Variants in KMT2B observed in about 807,000 individuals in gnomAD.
KMT2B encodes histone-lysine N-methyltransferase 2B.
In KMT2B, 22 loss-of-function variants were observed where a neutral mutation model predicts 255.3. That is an observed-to-expected ratio of 0.09 (90% CI 0.06 to 0.12). The LOEUF is 0.12. Among genes scored for constraint, KMT2B ranks in the 10% least tolerant of loss-of-function variants. The probability of loss-of-function intolerance (pLI) is 1.00; values close to 1 mark genes in which losing one functional copy is unlikely to be tolerated. For synonymous variants in KMT2B, 1,730 were observed against 1,498.1 expected, an observed-to-expected ratio of 1.15 and a Z score of -3.57; for missense variants, 3,149 against 3,737.0, an observed-to-expected ratio of 0.84 and a Z score of 4.10.
At chr19:35,726,115 C>T (rs776126115) in intron 13 of KMT2B, 121 bp from the exon 14 acceptor site, 34 of 745,396 alleles carry the variant, frequency 4.6e-5, no homozygotes, top group Non-Finnish European at 7.3e-5. Context: ...CGTGTTTTCT[C>T]CTCTTACCTG....
chr19:35,726,812 C>T lies in KMT2B; in HGVS notation c.4004-344C>T, dbSNP rs549065241. On this transcript the variant is annotated intron_variant, in intron 14 of 36. Transcript: ENST00000420124. ...CAGCCTGGCCAACATGGTGAAACCC[C>T]ATCTGTACTACAAATACAAAAATTA... Among the ~76,000 whole-genome samples, 370 of 152,082 alleles carry T rather than the reference C, an allele frequency of 2.4e-3. 2 individuals are homozygous for T. The highest frequency in any genetic ancestry group is 4.0e-3 in the Non-Finnish European group (269 of 67,996).
At position 35,718,151 on chromosome 19, in the gene KMT2B, G is replaced by C. The variant is rs1400971328; in HGVS notation, c.133G>C (p.Val45Leu). Residue 45 changes from valine to leucine, a missense_variant, in exon 1 of 37, where the codon GTA (valine) becomes CTA (leucine). Val to Leu is a conservative substitution (Grantham distance 32). This residue lies in a region of KMT2B where 1,188 missense variants were observed against 1,106.4 expected (regional missense o/e 1.07). Coordinates refer to ENST00000420124, the MANE Select transcript of KMT2B (RefSeq NM_014727.3). The surrounding 1 kb of genome is among the most constrained non-coding windows in gnomAD (Gnocchi z 5.0). ...GGGCAACGGGGCCGAAAGAGTGCGGGTAGCTCTGCGGCGCGGCGGTGGCGC... is the reference window on the plus strand; with the variant it reads ...GGGCAACGGGGCCGAAAGAGTGCGGCTAGCTCTGCGGCGCGGCGGTGGCGC... ...GRGNGAERVRVALRRGGGATG... is the reference protein window; with the variant it reads ...GRGNGAERVRLALRRGGGATG... The C allele has an allele frequency of 1.9e-6, 2 of 1,059,454 alleles. No individual in the cohort carries two copies. The highest frequency in any genetic ancestry group is 2.3e-6 in the Non-Finnish European group (2 of 879,456). 65.6% of individuals were successfully genotyped at this position (1,059,454 alleles called of 1,614,324 possible). A position where few individuals can be genotyped will look rare whatever the true frequency, so the allele number is the denominator to read the frequency against.
chr19:35,724,897 G>C lies in KMT2B; in HGVS notation c.3430-92G>C. 3.4e-6 allele frequency: 4 copies of C among 1,162,420 alleles called. No homozygotes were observed. In the South Asian group the frequency reaches 5.1e-5, roughly 15 times the overall value. The allele number at this position is 1,162,420 out of a possible 1,614,324, so 72.0% of individuals were successfully genotyped here. A position where few individuals can be genotyped will look rare whatever the true frequency, so the allele number is the denominator to read the frequency against. On this transcript the variant is annotated intron_variant, in intron 9 of 36. Transcript: ENST00000420124. ...AGCAAAGGGGTCTGGATCAGGGTCT[G>C]GGTCCAGTAGGCTGGGGGAAAGGCG...
At chr19:35,728,946 G>C in intron 20 of KMT2B, 39 bp from the exon 21 acceptor site, 1 of 1,613,040 alleles carries the variant, frequency 6.2e-7, no homozygotes, top group Non-Finnish European at 8.5e-7. Context: ...CTGGCTCCGG[G>C]TCCTGATTCT....
chr19:35,727,063 A>T lies in KMT2B; in HGVS notation c.4004-93A>T. On this transcript the variant is annotated intron_variant, in intron 14 of 36. Coordinates refer to ENST00000420124, the MANE Select transcript of KMT2B (RefSeq NM_014727.3). The surrounding 1 kb of genome is among the most constrained non-coding windows in gnomAD (Gnocchi z 4.2). ...GGGGCCCAAAACAGGGGCATAGTGGAGGCAGCTAAGGTACTGCTAATCCTT... is the reference window on the plus strand; with the variant it reads ...GGGGCCCAAAACAGGGGCATAGTGGTGGCAGCTAAGGTACTGCTAATCCTT... The T allele has an allele frequency of 1.4e-6, 1 of 735,030 alleles. No individual in the cohort carries two copies. Among genetic ancestry groups the T allele is most frequent in the Non-Finnish European group, 2.2e-6 (1 of 446,976 alleles). The allele number at this position is 735,030 out of a possible 1,614,324, so 45.5% of individuals were successfully genotyped here.
chr19:35,733,766 C>T lies in KMT2B; in HGVS notation c.7053C>T (p.Pro2351=), dbSNP rs928715755. ...CCTGACAGGTCTCTTCTCGCAGGCC[C>T]CTCCAGGAACGGTCCCCTTTGCTGC... ...GEPAGEESPG[P]LQERSPLLPL... The change falls in exon 30 of 37, where the codon CCC becomes CCT. Residue 2351 remains proline (P), a synonymous_variant. Coordinates refer to ENST00000420124, the MANE Select transcript of KMT2B (RefSeq NM_014727.3). The surrounding 1 kb of genome is among the most constrained non-coding windows in gnomAD (Gnocchi z 4.3). The T allele has an allele frequency of 1.9e-6, 3 of 1,613,110 alleles. No homozygotes were observed. The highest frequency in any genetic ancestry group is 2.7e-5 in the African/African-American group (2 of 74,874).
At position 35,730,759 on chromosome 19, in the gene KMT2B, C is replaced by T. The variant is rs755887571; in HGVS notation, c.5329C>T (p.Arg1777Trp). 6.2e-7 allele frequency: 1 copy of T among 1,613,864 alleles called. No homozygotes were observed. Residue 1777 changes from arginine to tryptophan, a missense_variant, in exon 26 of 37, where the codon CGG (arginine) becomes TGG (tryptophan). By Grantham distance (101) the Arg-to-Trp change is moderately radical. Around this residue, in one of 18 missense-constraint regions of KMT2B, gnomAD observed 34 missense variants for 51.6 expected, o/e 0.66. Transcript: ENST00000420124. ...TVDARRRCWY[R>W]CRILEYRPWG... is the part of the protein sequence containing the mutation. ...GGATGCTCGGAGGCGCTGCTGGTATCGGTGCCGAATTCTGGAGTATCGGCC... is the reference window on the plus strand; with the variant it reads ...GGATGCTCGGAGGCGCTGCTGGTATTGGTGCCGAATTCTGGAGTATCGGCC...
Position 35,729,999 on chromosome 19 carries a change from G to A in KMT2B, c.4950G>A (p.Thr1650=), listed in dbSNP as rs753755217. The A allele has an allele frequency of 2.9e-5, 46 of 1,613,400 alleles. No homozygotes were observed. Among genetic ancestry groups the A allele is most frequent in the Non-Finnish European group, 3.6e-5 (43 of 1,179,824 alleles). The change falls in exon 23 of 37, where the codon ACG becomes ACA. Residue 1650 remains threonine, a synonymous_variant. Transcript: ENST00000420124. ...RCELCLKPGA[T]VGCCLSSCLS... ...AGCTCTGCCTGAAGCCTGGCGCCAC[G>A]GTGGGCTGCTGCCTGTCCTCCTGCC... is the stretch of plus-strand genomic sequence containing the variant.
chr19:35,723,863 C>A lies in KMT2B; in HGVS notation c.3190C>A (p.Pro1064Thr), dbSNP rs1350666277. The change falls in exon 8 of 37, where the codon CCC (proline) becomes ACC (threonine). Residue 1064 changes from proline (P) to threonine (T), a missense_variant. Transcript: ENST00000420124. The surrounding 1 kb of genome is among the most constrained non-coding windows in gnomAD (Gnocchi z 7.5). The stretch of plus-strand genomic sequence containing the variant: ...GGAGGAGGTGGTGGCCCACCCAGGG[C>A]CCGAGGAGCAGGACTCCCTCCTGCA... ...PREEVVAHPGPEEQDSLLQRK... is the reference protein window; with the variant it reads ...PREEVVAHPGTEEQDSLLQRK... 6 of 1,606,960 alleles carry A rather than the reference C, an allele frequency of 3.7e-6. No individual in the cohort carries two copies. Among genetic ancestry groups the A allele is most frequent in the Admixed American group, 3.4e-5 (2 of 59,120 alleles).
Position 35,723,587 on chromosome 19 carries a change from C to A in KMT2B, c.3058+85C>A. ...GAGCTGTTTTTCTTTGCTCTCCTCC[C>A]TTGCAGCTCACCCTCTCCATCTTCT... On this transcript the variant is annotated intron_variant, in intron 7 of 36. Transcript: ENST00000420124. The surrounding 1 kb of genome is among the most constrained non-coding windows in gnomAD (Gnocchi z 7.5). 7.4e-7 allele frequency: 1 copy of A among 1,351,856 alleles called. No homozygotes were observed. Among genetic ancestry groups the A allele is most frequent in the Non-Finnish European group, 1.0e-6 (1 of 987,508 alleles). 83.7% of individuals were successfully genotyped at this position (1,351,856 alleles called of 1,614,324 possible).
In KMT2B at chr19:35,738,765, G is replaced by A. The variant is rs532098796; in HGVS notation, c.*208G>A. 1.8e-5 allele frequency: 11 copies of A among 604,282 alleles called. No homozygotes were observed. Among genetic ancestry groups the A allele is most frequent in the Non-Finnish European group, 2.9e-5 (10 of 344,394 alleles). 37.4% of individuals were successfully genotyped at this position (604,282 alleles called of 1,614,324 possible). The stretch of plus-strand genomic sequence containing the variant: ...CCCCCTTTCTGCCCTGGGGGCCCAG[G>A]ATGTAGATATTGTACAAAGGTTTCT... On this transcript the variant is annotated 3_prime_UTR_variant, in exon 37 of 37. Coordinates refer to ENST00000420124, the MANE Select transcript of KMT2B (RefSeq NM_014727.3). The surrounding 1 kb of genome is among the most constrained non-coding windows in gnomAD (Gnocchi z 8.7).
chr19:35,728,578 GTA>G (rs1969560702), intron 19 of KMT2B, among the ~76,000 whole-genome samples, 194 bp from the exon 20 acceptor site: 1 of 152,176 alleles, frequency 6.6e-6, no homozygotes, highest in Non-Finnish European at 1.5e-5. Context: ...GGGAGGAAGA[GTA>G]TTGCAGGCAT....
chr19:35,718,175 G>A lies in KMT2B; in HGVS notation c.157G>A (p.Ala53Thr). Residue 53 changes from alanine (A) to threonine (T), a missense_variant, in exon 1 of 37, where the codon GCG becomes ACG. Physicochemically the swap from Ala to Thr is moderately conservative, Grantham distance 58 (BLOSUM62 0). Transcript: ENST00000420124. The surrounding 1 kb of genome is among the most constrained non-coding windows in gnomAD (Gnocchi z 5.0). ...VRVALRRGGG[A>T]TGPGGAEPGE... ...GGTAGCTCTGCGGCGCGGCGGTGGC[G>A]CGACGGGGCCGGGCGGAGCCGAGCC... is the stretch of plus-strand genomic sequence containing the variant. The A allele has an allele frequency of 9.1e-7, 1 of 1,099,788 alleles. No homozygotes were observed. Among genetic ancestry groups the A allele is most frequent in the Non-Finnish European group, 1.1e-6 (1 of 904,422 alleles). The allele number at this position is 1,099,788 out of a possible 1,614,324, so 68.1% of individuals were successfully genotyped here. A position where few individuals can be genotyped will look rare whatever the true frequency, so the allele number is the denominator to read the frequency against.
Position 35,733,303 on chromosome 19 carries a change from G to GGGCCC in KMT2B, c.6754_6755insGGCCC (p.Ala2252GlyfsTer11). The GGGCCC allele has an allele frequency of 1.5e-6, 2 of 1,340,094 alleles. No homozygotes were observed. Among genetic ancestry groups the GGGCCC allele is most frequent in the Non-Finnish European group, 1.0e-6 (1 of 961,260 alleles). The allele number at this position is 1,340,094 out of a possible 1,614,324, so 83.0% of individuals were successfully genotyped here. On this transcript the variant is annotated frameshift_variant, in exon 28 of 37. Coordinates refer to ENST00000420124, the MANE Select transcript of KMT2B (RefSeq NM_014727.3). LOFTEE classifies it high-confidence loss of function. The surrounding 1 kb of genome is among the most constrained non-coding windows in gnomAD (Gnocchi z 4.3). Reference sequence around the variant, plus strand: ...GCCCGTGGTCGGAGTGGTCCGCCCTGCCCCGCCCCCGCCACCCCCTCCCCT... The same window carrying GGGCCC: ...GCCCGTGGTCGGAGTGGTCCGCCCTGGGCCCCCCCGCCCCCGCCACCCCCTCCCCT...
Position 35,723,132 on chromosome 19 carries a change from C to G in KMT2B, c.2860C>G (p.Pro954Ala), listed in dbSNP as rs1198167982. 2 of 1,613,408 alleles carry G rather than the reference C, an allele frequency of 1.2e-6. No homozygotes were observed. Among genetic ancestry groups the G allele is most frequent in the African/African-American group, 2.7e-5 (2 of 74,916 alleles). The change falls in exon 6 of 37, where the codon CCC (proline) becomes GCC (alanine). Residue 954 changes from proline to alanine, a missense_variant. Pro to Ala is a conservative substitution (Grantham distance 27). Coordinates refer to ENST00000420124, the MANE Select transcript of KMT2B (RefSeq NM_014727.3). This position sits in a 1 kb window ranked among gnomAD's most constrained non-coding sequence, Gnocchi z 7.5. Reference sequence around the variant, plus strand: ...GGCCCACACACCCCGGCGCTCACTGCCCTCCCATCACGGCAAGAAGATGCG... The same window carrying G: ...GGCCCACACACCCCGGCGCTCACTGGCCTCCCATCACGGCAAGAAGATGCG... The part of the protein sequence containing the change: ...TLAHTPRRSL[P>A]SHHGKKMRMA...
rs1969568855 is a variant in KMT2B, at chr19:35,728,766, G to GTC, written c.4572-7_4572-6dup. On this transcript the variant is annotated splice_region_variant and splice_polypyrimidine_tract_variant and intron_variant, in intron 19 of 36. Coordinates refer to ENST00000420124, the MANE Select transcript of KMT2B (RefSeq NM_014727.3). ...GGCACATCAGCTGCTAACCCTGCCT[G>GTC]TCCACAGCGGAGTCCTTCCCAATGC... is the stretch of plus-strand genomic sequence containing the variant. The GTC allele has an allele frequency of 6.2e-7, 1 of 1,611,916 alleles. No individual in the cohort carries two copies. The highest frequency in any genetic ancestry group is 8.5e-7 in the Non-Finnish European group (1 of 1,178,098).
At chr19:35,722,541 CCA>C (rs1472568236) in intron 4 of KMT2B, 25 bp from the exon 5 acceptor site, 4 of 1,595,650 alleles carry the variant, frequency 2.5e-6, no homozygotes, top group Non-Finnish European at 2.6e-6. Flanking sequence ...CGCAAGCTGC[CCA>C]CACACACTCC....
intron 19 of KMT2B, 77 bp downstream of exon 19, chr19:35,728,248 G>A: frequency 7.9e-7 from 1 of 1,261,982 alleles, no homozygotes; most frequent in Non-Finnish European, 1.1e-6. Context: ...ACGCTGGGCT[G>A]AGAAGAGATG....
Position 35,730,742 on chromosome 19 carries a change from G to A in KMT2B, c.5312G>A (p.Arg1771Gln), listed in dbSNP as rs1183275149. 6 of 1,613,886 alleles carry A rather than the reference G, an allele frequency of 3.7e-6. No homozygotes were observed. Among genetic ancestry groups the A allele is most frequent in the East Asian group, 4.5e-5 (2 of 44,884 alleles). The change falls in exon 26 of 37, where the codon CGG becomes CAG. Residue 1771 changes from arginine (R) to glutamine (Q), a missense_variant. By Grantham distance (43) the Arg-to-Gln change is conservative. Around this residue, in one of 18 missense-constraint regions of KMT2B, gnomAD observed 34 missense variants for 51.6 expected, o/e 0.66. Coordinates refer to ENST00000420124, the MANE Select transcript of KMT2B (RefSeq NM_014727.3). ...CTGTACTGGAGCACAGTGGATGCTC[G>A]GAGGCGCTGCTGGTATCGGTGCCGA... ...SRLYWSTVDA[R>Q]RRCWYRCRIL...
Sources: allele counts gnomAD v4.1 joint callset (sites outside exome capture counted in the v4.1 genomes callset), GRCh38; gene constraint gnomAD v4.1.1; regional missense constraint gnomAD v4.1.1; non-coding constraint Gnocchi (gnomAD v3.1); transcripts MANE v1.5; gene names NCBI Gene and HGNC (gene_info 2026-07-23, HGNC 2026-07-21).